The following EIPR1 variants were observed in gnomAD, a reference collection of about 807,000 sequenced individuals.
The protein encoded by EIPR1 is EARP complex and GARP complex interacting protein 1, also known as EARP and GARP complex-interacting protein 1.
Under a neutral mutation model 48.1 loss-of-function variants are expected in EIPR1, and 25 were observed. The ratio of observed to expected loss-of-function variants is 0.52; its 90% CI spans 0.38 to 0.73. The LOEUF (loss-of-function observed/expected upper bound fraction) is 0.73. Among genes scored for constraint, EIPR1 ranks in the 30% least tolerant of loss-of-function variants. The probability of loss-of-function intolerance (pLI) is 0.00; values close to 1 mark genes in which losing one functional copy is unlikely to be tolerated. For synonymous variants in EIPR1, 204 were observed against 201.9 expected (o/e 1.01, Z -0.09); for missense variants, 415 against 506.2 (o/e 0.82, Z 1.73).
At chr2:3,212,669 AG>A (rs1278269105) in intron 5 of EIPR1, among the ~76,000 whole-genome samples, 1 of 152,216 alleles carries the variant, frequency 6.6e-6, no homozygotes, top group Non-Finnish European at 1.5e-5. Flanking sequence ...ATCTCCCGGA[AG>A]GTGGGAGATT....
At chr2:3,267,816 A>C (rs1667536296) in intron 3 of EIPR1, among the ~76,000 whole-genome samples, 1 of 152,186 alleles carries the variant, frequency 6.6e-6, no homozygotes, top group Non-Finnish European at 1.5e-5. Context: ...TGAGACAGAG[A>C]CCGAATGGCC....
chr2:3,279,527 T>A (rs529032110), intron 3 of EIPR1, among the ~76,000 whole-genome samples: 60 of 152,294 alleles, frequency 3.9e-4, no homozygotes, highest in African/African-American at 1.4e-3. Context: ...TAAGCCTCAG[T>A]CTCCCCAGCT....
intron 3 of EIPR1, among the ~76,000 whole-genome samples, chr2:3,325,889 C>A (rs1448614329): frequency 6.6e-6 from 1 of 152,280 alleles, no homozygotes; most frequent in Non-Finnish European, 1.5e-5. Context: ...CTGCCACCCA[C>A]CCCTGGAGGT....
chr2:3,226,173 T>C (rs977243272), intron 4 of EIPR1, among the ~76,000 whole-genome samples: 2 of 152,312 alleles, frequency 1.3e-5, no homozygotes, highest in African/African-American at 4.8e-5. Context: ...GACTGCTGGG[T>C]TGTAGCTCTA....
chr2:3,294,649 C>CCCTG (rs1668479455), intron 3 of EIPR1, among the ~76,000 whole-genome samples: 1 of 125,050 alleles, frequency 8.0e-6, no homozygotes, highest in African/African-American at 3.0e-5. Context: ...CATCCTCTCT[C>CCCTG]CAAACACACA....
At chr2:3,365,902 C>T (rs181157922) in intron 1 of EIPR1, among the ~76,000 whole-genome samples, 7 of 146,106 alleles carry the variant, frequency 4.8e-5, no homozygotes, top group Middle Eastern at 3.4e-3. Flanking sequence ...GGCAACCATC[C>T]GATTTCTCAG....
At chr2:3,291,063 C>T (rs1310289417) in intron 3 of EIPR1, among the ~76,000 whole-genome samples, 1 of 152,150 alleles carries the variant, frequency 6.6e-6, no homozygotes, top group African/African-American at 2.4e-5. Flanking sequence ...GAGATTCCCC[C>T]ACGGCTGGCA....
rs35498711 is a variant in EIPR1, at chr2:3,237,221, TACACACACACAC to T, written c.416+20066_416+20077del. On this transcript the variant is annotated intron_variant, in intron 4 of 8. Coordinates refer to ENST00000382125, the MANE Select transcript of EIPR1 (RefSeq NM_003310.5). ...CAGGATTAAGCTGTATTTTGAAAACTACACACACACACACACACACACACACACACACACACA... is the reference window on the plus strand; with the variant it reads ...CAGGATTAAGCTGTATTTTGAAAACTACACACACACACACACACACACACA... Among the ~76,000 whole-genome samples, 102 of 127,834 alleles carry T rather than the reference TACACACACACAC, an allele frequency of 8.0e-4. No individual in the cohort carries two copies. The East Asian group carries it at 0.01, about 13-fold the overall frequency. 83.9% of individuals were successfully genotyped at this position (127,834 alleles called of 152,430 possible).
intron 3 of EIPR1, among the ~76,000 whole-genome samples, chr2:3,302,450 C>T (rs1372106514): frequency 1.3e-5 from 2 of 152,242 alleles, no homozygotes; most frequent in Non-Finnish European, 2.9e-5. Flanking sequence ...AGGTCCTTGG[C>T]TTTCTCATGC....
At chr2:3,294,024 A>C (rs1668451472) in intron 3 of EIPR1, among the ~76,000 whole-genome samples, 1 of 152,174 alleles carries the variant, frequency 6.6e-6, no homozygotes, top group Non-Finnish European at 1.5e-5. Flanking sequence ...TCCAAAGTGC[A>C]AATAATGTTT....
At chr2:3,340,291 G>C (rs891069472) in intron 2 of EIPR1, among the ~76,000 whole-genome samples, 3 of 152,220 alleles carry the variant, frequency 2.0e-5, no homozygotes, top group South Asian at 2.1e-4. Flanking sequence ...CCCAGGAGTA[G>C]AGCGGGCCGC....
At chr2:3,270,501 T>G (rs1344095480) in intron 3 of EIPR1, among the ~76,000 whole-genome samples, 1 of 152,204 alleles carries the variant, frequency 6.6e-6, no homozygotes, top group African/African-American at 2.4e-5. Flanking sequence ...GCACACTTAT[T>G]GCAGGCTTGG....
chr2:3,294,397 C>T (rs1285192791), intron 3 of EIPR1, among the ~76,000 whole-genome samples: 2 of 145,540 alleles, frequency 1.4e-5, no homozygotes, highest in Non-Finnish European at 3.0e-5. Context: ...ACACACCCTC[C>T]ACCCAGCCCA....
chr2:3,223,954 C>T (rs1384193430), intron 4 of EIPR1, among the ~76,000 whole-genome samples: 1 of 152,184 alleles, frequency 6.6e-6, no homozygotes, highest in African/African-American at 2.4e-5. Flanking sequence ...AGAACCATCC[C>T]GGGAACAAAC....
chr2:3,340,071 A>G (rs955354998), intron 2 of EIPR1, among the ~76,000 whole-genome samples: 1 of 152,242 alleles, frequency 6.6e-6, no homozygotes, highest in African/African-American at 2.4e-5. Context: ...GCCTCTCCAG[A>G]AGCAGATGCT....
At chr2:3,236,732 C>T (rs559272542) in intron 4 of EIPR1, among the ~76,000 whole-genome samples, 57 of 152,286 alleles carry the variant, frequency 3.7e-4, no homozygotes, top group Non-Finnish European at 5.7e-4. Flanking sequence ...GTGACTCCTA[C>T]GCTCTTCCTT....
chr2:3,353,630 AT>A (rs1670644810), intron 2 of EIPR1, among the ~76,000 whole-genome samples: 1 of 152,212 alleles, frequency 6.6e-6, no homozygotes, highest in African/African-American at 2.4e-5. Flanking sequence ...TATAATTAAT[AT>A]TCTTCGTGTA....
intron 4 of EIPR1, among the ~76,000 whole-genome samples, chr2:3,216,585 C>G (rs1053203219): frequency 6.6e-6 from 1 of 152,224 alleles, no homozygotes; most frequent in Non-Finnish European, 1.5e-5. Flanking sequence ...TATAAGTTAT[C>G]CACACTTTCC....
Position 3,257,431 on chromosome 2 carries a change from C to T in EIPR1, c.284G>A (p.Cys95Tyr). The T allele has an allele frequency of 6.2e-7, 1 of 1,614,208 alleles. No individual in the cohort carries two copies. Among genetic ancestry groups the T allele is most frequent in the South Asian group, 1.1e-5 (1 of 91,080 alleles). The change falls in exon 4 of 9, where the codon TGT becomes TAT. Residue 95 changes from cysteine to tyrosine, a missense_variant. Transcript: ENST00000382125. ...NRTSDSKVLT[C>Y]AAVWRMPKEL... ...CTTCGGCATCCTCCACACGGCTGCA[C>T]ATGTCAGGACTTTGCTGTCTGAAGC...
Sources: gnomAD v4.1 joint callset for allele counts (sites outside exome capture counted in the v4.1 genomes callset) on GRCh38, gnomAD v4.1.1 for gene constraint, MANE v1.5 for transcripts, NCBI Gene and HGNC (gene_info 2026-07-23, HGNC 2026-07-21) for gene names.